Variants in ARHGAP15 observed in about 807,000 individuals in gnomAD.
ARHGAP15 encodes the protein Rho GTPase activating protein 15.
In ARHGAP15, 51 loss-of-function variants were observed where a neutral mutation model predicts 63.7. That is an observed-to-expected ratio of 0.80 (90% CI 0.64 to 1.01). ARHGAP15 has a LOEUF of 1.01. ARHGAP15 is among the 50% of genes least tolerant of loss of function. The pLI is 0.00. For synonymous variants in ARHGAP15, 191 were observed against 193.8 expected, an observed-to-expected ratio of 0.99 and a Z score of 0.12; for missense variants, 560 against 564.6, an observed-to-expected ratio of 0.99 and a Z score of 0.08.
intron 11 of ARHGAP15, among the ~76,000 whole-genome samples, chr2:143,557,787 AG>A (rs1695869614): frequency 7.4e-6 from 1 of 134,794 alleles, no homozygotes; most frequent in South Asian, 2.6e-4. Context: ...CTGCTCTAAA[AG>A]AAGTCTATTA....
intron 6 of ARHGAP15, among the ~76,000 whole-genome samples, chr2:143,353,430 G>A (rs1027917104): frequency 1.3e-5 from 2 of 152,082 alleles, no homozygotes; most frequent in Non-Finnish European, 2.9e-5. Context: ...GTATACTTAT[G>A]TCTTGCTGGT....
intron 8 of ARHGAP15, among the ~76,000 whole-genome samples, chr2:143,441,166 T>C (rs1689860954): frequency 6.6e-6 from 1 of 151,994 alleles, no homozygotes; most frequent in African/African-American, 2.4e-5. Context: ...CTGGTGGTGG[T>C]TGATGAAAGA....
At chr2:143,355,723 A>G (rs909934101) in intron 6 of ARHGAP15, among the ~76,000 whole-genome samples, 1 of 152,186 alleles carries the variant, frequency 6.6e-6, no homozygotes, top group African/African-American at 2.4e-5. Flanking sequence ...AGTTATCCAT[A>G]GTACCAAAAA....
At chr2:143,200,496 T>A (rs918512486) in intron 2 of ARHGAP15, among the ~76,000 whole-genome samples, 1 of 151,884 alleles carries the variant, frequency 6.6e-6, no homozygotes, top group African/African-American at 2.4e-5. Context: ...TTCCTAGACA[T>A]AGTACTCAGG....
intron 1 of ARHGAP15, among the ~76,000 whole-genome samples, chr2:143,135,405 G>T (rs1312257887): frequency 6.6e-6 from 1 of 152,032 alleles, no homozygotes. Context: ...AAATAATTTT[G>T]AACTCTAAGT....
intron 9 of ARHGAP15, among the ~76,000 whole-genome samples, chr2:143,497,845 TCTCACTCCTTC>T (rs772086178): frequency 4.0e-5 from 6 of 150,236 alleles, no homozygotes; most frequent in Non-Finnish European, 5.9e-5. Flanking sequence ...AGGAAGGAGG[TCTCACTCCTTC>T]CTCACTTATG....
At chr2:143,685,310 A>G (rs908229540) in intron 12 of ARHGAP15, among the ~76,000 whole-genome samples, 3 of 152,260 alleles carry the variant, frequency 2.0e-5, no homozygotes, top group Non-Finnish European at 4.4e-5. Context: ...CTGCCTGGAA[A>G]GTCCAAGTTC....
chr2:143,452,952 G>A (rs545242602), intron 8 of ARHGAP15, among the ~76,000 whole-genome samples: 35 of 151,976 alleles, frequency 2.3e-4, no homozygotes, highest in African/African-American at 8.4e-4. Flanking sequence ...CAATTACTAT[G>A]TCAAATTTAT....
intron 6 of ARHGAP15, among the ~76,000 whole-genome samples, chr2:143,270,339 C>A (rs929329234): frequency 9.9e-5 from 15 of 152,278 alleles, no homozygotes; most frequent in African/African-American, 3.6e-4. Flanking sequence ...TTCTGTTTTG[C>A]TTTGAATATG....
chr2:143,303,291 A>C (rs1682999693), intron 6 of ARHGAP15, among the ~76,000 whole-genome samples: 1 of 152,108 alleles, frequency 6.6e-6, no homozygotes, highest in Non-Finnish European at 1.5e-5. Context: ...TCCAGAATCT[A>C]CAAGGAACTT....
intron 13 of ARHGAP15, among the ~76,000 whole-genome samples, chr2:143,748,028 C>T (rs967209112): frequency 1.3e-5 from 2 of 152,046 alleles, no homozygotes; most frequent in Admixed American, 6.6e-5. Context: ...TCTTAGGCAA[C>T]GTGAGAGCAA....
chr2:143,577,576 T>C (rs190956611), intron 11 of ARHGAP15, among the ~76,000 whole-genome samples: 2 of 152,236 alleles, frequency 1.3e-5, no homozygotes, highest in African/African-American at 4.8e-5. Flanking sequence ...CCCATTAGCT[T>C]CATACTCAGG....
intron 6 of ARHGAP15, among the ~76,000 whole-genome samples, chr2:143,314,906 T>C (rs1269432377): frequency 1.3e-5 from 2 of 152,186 alleles, no homozygotes; most frequent in Non-Finnish European, 2.9e-5. Context: ...AATAAGTAAA[T>C]CTAATATCCC....
intron 12 of ARHGAP15, among the ~76,000 whole-genome samples, chr2:143,625,433 C>T (rs1329603385): frequency 6.6e-6 from 1 of 152,036 alleles, no homozygotes; most frequent in Non-Finnish European, 1.5e-5. Context: ...TCTCTTGTTG[C>T]TTGCTCACAA....
chr2:143,415,272 AGATT>A (rs1425469270), intron 6 of ARHGAP15, among the ~76,000 whole-genome samples: 1 of 152,172 alleles, frequency 6.6e-6, no homozygotes, highest in African/African-American at 2.4e-5. Context: ...CAATAGAAAT[AGATT>A]ATCATAGGAA....
Position 143,175,405 on chromosome 2 carries a change from G to A in ARHGAP15, c.165+19750G>A, listed in dbSNP as rs78160417. On this transcript the variant is annotated intron_variant, in intron 2 of 13. Coordinates refer to ENST00000295095, the MANE Select transcript of ARHGAP15 (RefSeq NM_018460.4). ...GGCGTAAGTAACTGGCAAATATTCA[G>A]GGTGGAAAGATTGGAAGGGAGAAAA... 8.0e-4 allele frequency among the ~76,000 whole-genome samples: 122 copies of A among 152,300 alleles called. 1 individual carries two copies. Among genetic ancestry groups the A allele is most frequent in the East Asian group, 7.1e-3 (37 of 5,184 alleles).
At position 143,739,474 on chromosome 2, in the gene ARHGAP15, C is replaced by A. The variant is rs144601292; in HGVS notation, c.1245-28515C>A. Among the ~76,000 whole-genome samples, 3 of 152,270 alleles carry A rather than the reference C, an allele frequency of 2.0e-5. No individual in the cohort carries two copies. The East Asian group carries it at 5.8e-4, about 29-fold the overall frequency. ...ATAAGAAACTTGAGTGCAGCTGAAG[C>A]AGGCAAGAAATAGCGCCCAGAGTCC... is the stretch of plus-strand genomic sequence containing the variant. On this transcript the variant is annotated intron_variant, in intron 13 of 13. Coordinates refer to ENST00000295095, the MANE Select transcript of ARHGAP15 (RefSeq NM_018460.4).
At position 143,429,484 on chromosome 2, in the gene ARHGAP15, T is replaced by C. The variant is rs191554042; in HGVS notation, c.475-6117T>C. On this transcript the variant is annotated intron_variant, in intron 6 of 13. Transcript: ENST00000295095. The stretch of plus-strand genomic sequence containing the variant: ...TTTGGAATGTACTGGAGGTCTGTCA[T>C]GTACGTAACCCGACATTGTTTACTT... 2.0e-3 allele frequency among the ~76,000 whole-genome samples: 306 copies of C among 152,254 alleles called. 2 individuals are homozygous for C. Among genetic ancestry groups the C allele is most frequent in the African/African-American group, 7.2e-3 (299 of 41,564 alleles).
intron 6 of ARHGAP15, among the ~76,000 whole-genome samples, chr2:143,367,535 A>G (rs1451149465): frequency 6.6e-6 from 1 of 151,982 alleles, no homozygotes; most frequent in Non-Finnish European, 1.5e-5. Context: ...TATTTCCAGT[A>G]TATTTATAAC....
Sources: allele counts gnomAD v4.1 joint callset (sites outside exome capture counted in the v4.1 genomes callset), GRCh38; gene constraint gnomAD v4.1.1; transcripts MANE v1.5; gene names NCBI Gene and HGNC (gene_info 2026-07-23, HGNC 2026-07-21).